ORC3: variants seen among roughly 807,000 people sequenced by gnomAD.
ORC3 encodes the protein homolog of latheo, Drosophila.
ORC3 carries 78 observed loss-of-function variants against 100.7 expected under a neutral mutation model. The ratio of observed to expected loss-of-function variants is 0.77; its 90% CI spans 0.65 to 0.94. The LOEUF (loss-of-function observed/expected upper bound fraction) is 0.94. ORC3 is among the 40% of genes least tolerant of loss of function. The probability of loss-of-function intolerance (pLI) is 0.00; values close to 1 mark genes in which losing one functional copy is unlikely to be tolerated. For missense variants in ORC3, 789 were observed against 823.9 expected, an observed-to-expected ratio of 0.96 and a Z score of 0.52; for synonymous variants, 295 against 289.3, an observed-to-expected ratio of 1.02 and a Z score of -0.20.
rs113412948 is a variant in ORC3 at position 87,629,015 on chromosome 6, G to A, written c.1186-5830G>A. ...CTCTTGATCTATACTGCTGAGGTAG[G>A]AATATGGAGAACAAAAGGTAGAGAC... On this transcript the variant is annotated intron_variant, in intron 11 of 19. Transcript: ENST00000392844. Among the ~76,000 whole-genome samples the A allele has an allele frequency of 5.7e-4, 87 of 152,276 alleles. 2 individuals carry two copies. Among genetic ancestry groups the A allele is most frequent in the African/African-American group, 2.1e-3 (86 of 41,562 alleles).
the ORC3 span, among the ~76,000 whole-genome samples, chr6:87,672,864 T>G: frequency 6.6e-6 from 1 of 151,868 alleles, no homozygotes; most frequent in Non-Finnish European, 1.5e-5. Context: ...CTATGTGCAC[T>G]TGTTAAAGAT....
Position 87,657,970 on chromosome 6 carries a change from T to C in ORC3, c.1643T>C (p.Phe548Ser). 6.2e-7 allele frequency: 1 copy of C among 1,606,660 alleles called. No individual in the cohort carries two copies. ...AGAAGAAGTAAGAAGCAAACCAAAT[T>C]TGAAGTACTCAGAGAAAATGTTGTG... ...ELRRSKKQTK[F>S]EVLRENVVNF... The change falls in exon 16 of 20, where the codon TTT becomes TCT. Residue 548 changes from phenylalanine to serine, a missense_variant. Physicochemically the swap from Phe to Ser is radical, Grantham distance 155. Transcript: ENST00000392844.
Position 87,609,116 on chromosome 6 carries a change from A to T in ORC3, c.600A>T (p.Leu200=). The change falls in exon 7 of 20, where the codon CTA becomes CTT. Residue 200 remains leucine (L), a synonymous_variant. Coordinates refer to ENST00000392844, the MANE Select transcript of ORC3 (RefSeq NM_012381.4). ...TVTQKTDPKM[L]SKKRTTSSQW... is the part of the protein sequence containing the mutation. The stretch of plus-strand genomic sequence containing the variant: ...AAAAGAAGACGGACCCAAAAATGCT[A>T]AGCAAAAAAAGGACTACTTCTAGCC... The T allele has an allele frequency of 6.2e-7, 1 of 1,603,574 alleles. No homozygotes were observed. Among genetic ancestry groups the T allele is most frequent in the East Asian group, 2.2e-5 (1 of 44,612 alleles).
intron 2 of ORC3, among the ~76,000 whole-genome samples, chr6:87,597,074 A>G (rs968821380): frequency 6.6e-6 from 1 of 152,190 alleles, no homozygotes. Flanking sequence ...TCTTGGGACC[A>G]GAAGTGTTTT....
At chr6:87,591,403 C>CT (rs28381464) in intron 1 of ORC3, among the ~76,000 whole-genome samples, 4,871 of 152,218 alleles carry the variant, frequency 0.032, 104 homozygotes, top group Middle Eastern at 0.048. Context: ...AGAAGCAGTG[C>CT]TTTTAAAGAC....
intron 7 of ORC3, among the ~76,000 whole-genome samples, chr6:87,611,520 C>G (rs1778765919): frequency 6.6e-6 from 1 of 152,140 alleles, no homozygotes. Flanking sequence ...GGCATGGTGG[C>G]TCACGCCTGT....
At chr6:87,632,574 T>C (rs531354437) in intron 11 of ORC3, among the ~76,000 whole-genome samples, 1 of 152,190 alleles carries the variant, frequency 6.6e-6, no homozygotes, top group East Asian at 1.9e-4. Flanking sequence ...ATACAAAACA[T>C]TTTTTAGGCC....
chr6:87,605,910 C>T lies in ORC3; in HGVS notation c.323-7C>T. Reference sequence around the variant, plus strand: ...TGGTGATGTAATATTGATGTATTATCTCATAGGTGTGAATGTCACAGATCA... The same window carrying T: ...TGGTGATGTAATATTGATGTATTATTTCATAGGTGTGAATGTCACAGATCA... On this transcript the variant is annotated splice_polypyrimidine_tract_variant and splice_region_variant and intron_variant, in intron 4 of 19. Coordinates refer to ENST00000392844, the MANE Select transcript of ORC3 (RefSeq NM_012381.4). 6.8e-7 allele frequency: 1 copy of T among 1,474,584 alleles called. No individual in the cohort carries two copies. The highest frequency in any genetic ancestry group is 9.5e-7 in the Non-Finnish European group (1 of 1,057,948). 91.3% of individuals were successfully genotyped at this position (1,474,584 alleles called of 1,614,324 possible).
rs1384876082 is a variant in ORC3, at chr6:87,621,421, AAAG to A, written c.1061_1063del (p.Arg354del). ...CTGTGCTGTAATCTTCCAGAAGCCA[AAAG>A]AAGAATAAATTTTTTATCAAATAAT... On this transcript the variant is annotated inframe_deletion, in exon 10 of 20. Coordinates refer to ENST00000392844, the MANE Select transcript of ORC3 (RefSeq NM_012381.4). The A allele has an allele frequency of 6.2e-7, 1 of 1,603,278 alleles. No individual in the cohort carries two copies. The highest frequency in any genetic ancestry group is 2.3e-5 in the East Asian group (1 of 44,274).
chr6:87,602,178 G>A (rs1180301489), intron 3 of ORC3, among the ~76,000 whole-genome samples: 5 of 152,038 alleles, frequency 3.3e-5, no homozygotes, highest in South Asian at 4.1e-4. Context: ...GTTGCAGTGA[G>A]CCGAGATAGT....
At chr6:87,658,427 A>C (rs960070482) in intron 16 of ORC3, among the ~76,000 whole-genome samples, 1 of 151,386 alleles carries the variant, frequency 6.6e-6, no homozygotes, top group African/African-American at 2.4e-5. Context: ...ACTGCACTCC[A>C]GCCTGGGCAA....
At chr6:87,618,929 T>A (rs1416239802) in intron 9 of ORC3, among the ~76,000 whole-genome samples, 1 of 152,200 alleles carries the variant, frequency 6.6e-6, no homozygotes, top group East Asian at 1.9e-4. Context: ...AAGGATGAGT[T>A]TCTTTTTGTA....
downstream of ORC3, among the ~76,000 whole-genome samples, chr6:87,668,874 T>C (rs1032331530): frequency 4.0e-5 from 6 of 151,762 alleles, no homozygotes; most frequent in Admixed American, 3.3e-4. Context: ...TCCCAGCTAC[T>C]GGGGAGGCTG....
chr6:87,621,840 A>G, intron 10 of ORC3, 110 bp from the exon 11 acceptor site: 1 of 726,184 alleles, frequency 1.4e-6, no homozygotes, highest in Non-Finnish European at 2.3e-6. Context: ...TTGTGAAGAA[A>G]TGAAAAAAAT....
chr6:87,622,601 C>G (rs1779615882), intron 11 of ORC3, among the ~76,000 whole-genome samples: 2 of 151,880 alleles, frequency 1.3e-5, no homozygotes, highest in South Asian at 2.1e-4. Flanking sequence ...ATATAGTATA[C>G]TATATATGTT....
chr6:87,644,057 C>T (rs1364329316), intron 13 of ORC3, among the ~76,000 whole-genome samples: 2 of 142,632 alleles, frequency 1.4e-5, no homozygotes, highest in East Asian at 4.3e-4. Flanking sequence ...GTGGGACCCA[C>T]AGATACAGAT....
intron 11 of ORC3, among the ~76,000 whole-genome samples, chr6:87,631,563 G>T (rs1767420878): frequency 6.6e-6 from 1 of 152,042 alleles, no homozygotes; most frequent in South Asian, 2.1e-4. Flanking sequence ...CGCGATCTTG[G>T]CTCACGGCAA....
chr6:87,656,670 G>A (rs1232512523), intron 14 of ORC3, among the ~76,000 whole-genome samples: 2 of 151,530 alleles, frequency 1.3e-5, no homozygotes, highest in African/African-American at 4.9e-5. Context: ...TGTTTTCATT[G>A]TGGTTACACT....
At chr6:87,663,192 G>A (rs755358797) in intron 17 of ORC3, 48 bp downstream of exon 17, 47 of 1,439,202 alleles carry the variant, frequency 3.3e-5, no homozygotes, top group Middle Eastern at 2.1e-4. Context: ...GACTCTGGGC[G>A]TCATTGTCAT....
Sources: gnomAD v4.1 joint callset for allele counts (sites outside exome capture counted in the v4.1 genomes callset) on GRCh38, gnomAD v4.1.1 for gene constraint, MANE v1.5 for transcripts, NCBI Gene and HGNC (gene_info 2026-07-23, HGNC 2026-07-21) for gene names.